The following POMGNT1 variants were observed in gnomAD, a reference collection of about 807,000 sequenced individuals.
POMGNT1 encodes the protein protein O-linked mannose N-acetylglucosaminyltransferase 1 (beta 1,2-), also known as protein O-linked-mannose beta-1,2-N-acetylglucosaminyltransferase 1.
In POMGNT1, 67 loss-of-function variants were observed where a neutral mutation model predicts 95.6. The observed-to-expected ratio is 0.70, with a 90% CI of 0.58 to 0.86. The LOEUF (loss-of-function observed/expected upper bound fraction) is 0.86. Among genes scored for constraint, POMGNT1 ranks in the 40% least tolerant of loss-of-function variants. The probability of loss-of-function intolerance (pLI) is 0.00; values close to 1 mark genes in which losing one functional copy is unlikely to be tolerated. For synonymous variants in POMGNT1, 298 were observed against 317.9 expected (o/e 0.94, Z 0.66); for missense variants, 719 against 855.2 (o/e 0.84, Z 1.99).
In POMGNT1 at chr1:46,189,070, GTAAA is replaced by G. The variant is rs1324502482; in HGVS notation, c.*196_*199del. ...TCTCCTGCCCTTCTCCAACAAGGAA[GTAAA>G]TAAATAGACTTTTAACTCAGGAACG... On this transcript the variant is annotated 3_prime_UTR_variant, in exon 22 of 22. Transcript: ENST00000371984. 6.6e-7 allele frequency: 1 copy of G among 1,520,370 alleles called. No homozygotes were observed. The highest frequency in any genetic ancestry group is 8.8e-7 in the Non-Finnish European group (1 of 1,139,950). The allele number at this position is 1,520,370 out of a possible 1,614,324, so 94.2% of individuals were successfully genotyped here. A position where few individuals can be genotyped will look rare whatever the true frequency, so the allele number is the denominator to read the frequency against.
In POMGNT1 at chr1:46,194,935, G is replaced by C. The variant is rs886042638; in HGVS notation, c.561C>G (p.Asp187Glu). The C allele has an allele frequency of 6.2e-7, 1 of 1,614,016 alleles. No homozygotes were observed. The highest frequency in any genetic ancestry group is 1.7e-5 in the Admixed American group (1 of 60,010). ...GGCTCCTCAGCAGAGCCTTGGCTGT[G>C]TCCTTGAGGTGGAAGGAGCCCTCAT... ...VKDEGSFHLK[D>E]TAKALLRSLG... is the part of the protein sequence containing the mutation. The change falls in exon 7 of 22, where the codon GAC (aspartate) becomes GAG (glutamate). Residue 187 changes from aspartate to glutamate, a missense_variant. Around this residue, in one of 5 missense-constraint regions of POMGNT1, gnomAD observed 466 missense variants for 517.4 expected, o/e 0.90. Coordinates refer to ENST00000371984, the MANE Select transcript of POMGNT1 (RefSeq NM_017739.4).
intron 1 of POMGNT1, among the ~76,000 whole-genome samples, chr1:46,207,877 T>C (rs1443603361): frequency 6.6e-6 from 1 of 150,734 alleles, no homozygotes; most frequent in African/African-American, 2.4e-5. Context: ...ATTATCATTA[T>C]TTTTTTTGAC....
chr1:46,203,433 G>C (rs773440254), upstream of POMGNT1: 4 of 1,467,234 alleles, frequency 2.7e-6, no homozygotes, highest in East Asian at 1.1e-4. Flanking sequence ...CCGCATGGAG[G>C]GGACCGTGGA....
At position 46,189,057 on chromosome 1, in the gene POMGNT1, C is replaced by A. The variant is rs1557668245; in HGVS notation, c.*213G>T. ...GATTCCCAGGTACTCTCCTGCCCTT[C>A]TCCAACAAGGAAGTAAATAAATAGA... On this transcript the variant is annotated 3_prime_UTR_variant, in exon 22 of 22. Coordinates refer to ENST00000371984, the MANE Select transcript of POMGNT1 (RefSeq NM_017739.4). The A allele has an allele frequency of 5.2e-6, 8 of 1,531,456 alleles. No individual in the cohort carries two copies. Among genetic ancestry groups the A allele is most frequent in the East Asian group, 4.5e-5 (2 of 44,180 alleles). 94.9% of individuals were successfully genotyped at this position (1,531,456 alleles called of 1,614,324 possible).
chr1:46,190,879 A>T, intron 17 of POMGNT1, 95 bp from the exon 18 acceptor site: 7 of 1,191,608 alleles, frequency 5.9e-6, no homozygotes, highest in Non-Finnish European at 8.8e-6. Context: ...ACACAAATGA[A>T]GTCCTAGACC....
chr1:46,215,259 AAAAAAC>A (rs1659031591), intron 1 of POMGNT1, among the ~76,000 whole-genome samples: 3 of 152,164 alleles, frequency 2.0e-5, no homozygotes, highest in Admixed American at 1.3e-4. Flanking sequence ...GCAAGAGTGA[AAAAAAC>A]AAAAACAAAA....
intron 13 of POMGNT1, 83 bp from the exon 14 acceptor site, chr1:46,193,041 G>A: frequency 1.2e-6 from 2 of 1,603,450 alleles, no homozygotes; most frequent in Non-Finnish European, 1.7e-6. Context: ...CTTCTTGCAG[G>A]CAGCATTACC....
intron 16 of POMGNT1, 41 bp from the exon 17 acceptor site, chr1:46,192,264 G>A (rs1657835600): frequency 1.2e-6 from 2 of 1,614,156 alleles, no homozygotes; most frequent in Middle Eastern, 3.3e-4. Context: ...GATGTTTCGA[G>A]TTGGTAGGGG....
At position 46,189,470 on chromosome 1, in the gene POMGNT1, GC is replaced by G; in HGVS notation, c.1882del (p.Ala628LeufsTer6). On this transcript the variant is annotated frameshift_variant, in exon 21 of 22. Transcript: ENST00000371984. LOFTEE classifies it high-confidence loss of function. ...KNHFLMVGVP[A>X]SPYSVKKPPS... ...AAGGGTCACTCACGAGTAGGGGGAA[GC>G]CGGGACCCCCACCATCAGGAAGTGG... The G allele has an allele frequency of 1.9e-6, 3 of 1,613,686 alleles. No homozygotes were observed. The highest frequency in any genetic ancestry group is 2.5e-6 in the Non-Finnish European group (3 of 1,179,818).
upstream of POMGNT1, among the ~76,000 whole-genome samples, chr1:46,200,029 G>A (rs1658487614): frequency 6.6e-6 from 1 of 152,222 alleles, no homozygotes; most frequent in South Asian, 2.1e-4. Flanking sequence ...AGTTAGCTGG[G>A]CGTGGTGACA....
At position 46,189,098 on chromosome 1, in the gene POMGNT1, CG is replaced by C; in HGVS notation, c.*171del. On this transcript the variant is annotated 3_prime_UTR_variant, in exon 22 of 22. Transcript: ENST00000371984. ...AATAAATAGACTTTTAACTCAGGAA[CG>C]GGGTGTTGGAGCAGGGGAACCCTCC... The C allele has an allele frequency of 6.7e-7, 1 of 1,501,602 alleles. No homozygotes were observed. Among genetic ancestry groups the C allele is most frequent in the Non-Finnish European group, 8.9e-7 (1 of 1,129,752 alleles). The allele number at this position is 1,501,602 out of a possible 1,614,324, so 93.0% of individuals were successfully genotyped here.
chr1:46,210,671 G>C (rs1658864745), intron 1 of POMGNT1, among the ~76,000 whole-genome samples: 1 of 152,172 alleles, frequency 6.6e-6, no homozygotes, highest in Admixed American at 6.6e-5. Context: ...AGAGATGCAT[G>C]GGGCAAGGCA....
At position 46,190,516 on chromosome 1, in the gene POMGNT1, G is replaced by A; in HGVS notation, c.1606C>T (p.Leu536=). Residue 536 remains leucine (L), a splice_region_variant and synonymous_variant, in exon 19 of 22, where the codon CTG becomes TTG. Transcript: ENST00000371984. ...PGVQLRNVDS[L]KKEAYEVEVH... ...TCCACTTCATAAGCTTCTTTCTTCA[G>A]ACTGAAGAGGAGGGAGAAATGGGTC... The A allele has an allele frequency of 1.2e-6, 2 of 1,604,518 alleles. No individual in the cohort carries two copies. The highest frequency in any genetic ancestry group is 2.2e-5 in the South Asian group (2 of 90,850).
chr1:46,209,686 T>G (rs905436660), intron 1 of POMGNT1, among the ~76,000 whole-genome samples: 2 of 151,926 alleles, frequency 1.3e-5, no homozygotes, highest in African/African-American at 4.8e-5. Flanking sequence ...AATTTTTGTA[T>G]TTTTAGTAGA....
chr1:46,211,319 G>C (rs1470901869), intron 1 of POMGNT1, among the ~76,000 whole-genome samples: 2 of 152,102 alleles, frequency 1.3e-5, no homozygotes, highest in African/African-American at 4.8e-5. Flanking sequence ...GGTGAGAGGA[G>C]AGCAGGAGAA....
chr1:46,210,732 C>T (rs1452351520), intron 1 of POMGNT1, among the ~76,000 whole-genome samples: 2 of 152,178 alleles, frequency 1.3e-5, no homozygotes, highest in African/African-American at 4.8e-5. Flanking sequence ...CACCACCCTC[C>T]ATCTGTTCAG....
chr1:46,213,844 A>G (rs1658978394), intron 1 of POMGNT1, among the ~76,000 whole-genome samples: 1 of 152,094 alleles, frequency 6.6e-6, no homozygotes, highest in Non-Finnish European at 1.5e-5. Flanking sequence ...AATATGGGGA[A>G]TATGATTAAC....
rs763146463 is a variant in POMGNT1 at position 46,194,875 on chromosome 1, C to A, written c.621G>T (p.Arg207Ser). Residue 207 changes from arginine to serine, a missense_variant, in exon 7 of 22, where the codon AGG (arginine) becomes AGT (serine). By Grantham distance (110) the Arg-to-Ser change is moderately radical (BLOSUM62 -1). Coordinates refer to ENST00000371984, the MANE Select transcript of POMGNT1 (RefSeq NM_017739.4). ...TTCGTCCCACGAAGGCCCATGTGTC[C>A]CTCCAGCCCAGGGCAGGGCCAGCCT... ...GSQAGPALGW[R>S]DTWAFVGRKG... 1.2e-6 allele frequency: 2 copies of A among 1,614,048 alleles called. No homozygotes were observed. Among genetic ancestry groups the A allele is most frequent in the African/African-American group, 2.7e-5 (2 of 74,920 alleles).
chr1:46,201,148 G>A (rs1044100796), upstream of POMGNT1, among the ~76,000 whole-genome samples: 20 of 151,622 alleles, frequency 1.3e-4, no homozygotes, highest in Non-Finnish European at 2.2e-4. Context: ...AAAGACAAAT[G>A]TTTTGTCTAT....
Sources: allele counts gnomAD v4.1 joint callset (sites outside exome capture counted in the v4.1 genomes callset), GRCh38; gene constraint gnomAD v4.1.1; regional missense constraint gnomAD v4.1.1; transcripts MANE v1.5; gene names NCBI Gene and HGNC (gene_info 2026-07-23, HGNC 2026-07-21).